PIK3R2: variants seen among roughly 807,000 people sequenced by gnomAD.
PIK3R2 encodes the protein phosphatidylinositol 3-kinase regulatory subunit beta.
PIK3R2 carries 40 observed loss-of-function variants against 78.5 expected under a neutral mutation model. The ratio of observed to expected loss-of-function variants is 0.51; its 90% CI spans 0.40 to 0.66. The LOEUF is 0.66. PIK3R2 is among the 30% of genes least tolerant of loss of function. The pLI is 0.00. For missense variants in PIK3R2, 880 were observed against 1,026.6 expected, an observed-to-expected ratio of 0.86 and a Z score of 1.95; for synonymous variants, 473 against 457.7, an observed-to-expected ratio of 1.03 and a Z score of -0.43.
chr19:18,160,854 A>G lies in PIK3R2; in HGVS notation c.416-65A>G, dbSNP rs1207258675. ...GAGACTGCAGGGGGGTTGAGCGGCC[A>G]GTCCAGGCCTCACGAGGTCGGGGCA... On this transcript the variant is annotated intron_variant, in intron 3 of 15. Coordinates refer to ENST00000222254, the MANE Select transcript of PIK3R2 (RefSeq NM_005027.4). The G allele has an allele frequency of 1.9e-6, 3 of 1,543,824 alleles. No homozygotes were observed. In the African/African-American group the frequency reaches 4.1e-5, roughly 21 times the overall value.
At position 18,156,247 on chromosome 19, in the gene PIK3R2, A is replaced by T. The variant is rs2043679098; in HGVS notation, c.322+46A>T. On this transcript the variant is annotated intron_variant, in intron 2 of 15. Transcript: ENST00000222254. The surrounding 1 kb of genome is among the most constrained non-coding windows in gnomAD (Gnocchi z 4.2). Reference sequence around the variant, plus strand: ...CTGGAAAGGGGGGTGGTCCCCTCAGACCCTTGGTCTCCTCTTCTGTCCAGT... The same window carrying T: ...CTGGAAAGGGGGGTGGTCCCCTCAGTCCCTTGGTCTCCTCTTCTGTCCAGT... 1 of 1,367,886 alleles carries T rather than the reference A, an allele frequency of 7.3e-7. No homozygotes were observed. Among genetic ancestry groups the T allele is most frequent in the African/African-American group, 1.5e-5 (1 of 65,430 alleles). 84.7% of individuals were successfully genotyped at this position (1,367,886 alleles called of 1,614,324 possible).
In PIK3R2 at chr19:18,167,336, C is replaced by G; in HGVS notation, c.1736+30C>G. The G allele has an allele frequency of 6.6e-7, 1 of 1,517,796 alleles. No homozygotes were observed. The highest frequency in any genetic ancestry group is 8.9e-7 in the Non-Finnish European group (1 of 1,127,070). The allele number at this position is 1,517,796 out of a possible 1,614,324, so 94.0% of individuals were successfully genotyped here. On this transcript the variant is annotated intron_variant, in intron 13 of 15. Coordinates refer to ENST00000222254, the MANE Select transcript of PIK3R2 (RefSeq NM_005027.4). This position sits in a 1 kb window ranked among gnomAD's most constrained non-coding sequence, Gnocchi z 4.5. ...GTGGCGGCTCCATACTTCCCTGCGG[C>G]TCCCTGGCGACTGCTGCGGCACATG...
chr19:18,163,447 G>A, intron 11 of PIK3R2, 59 bp downstream of exon 11: 2 of 1,597,618 alleles, frequency 1.3e-6, no homozygotes, highest in East Asian at 2.2e-5. Context: ...GGCAAGGCCG[G>A]GAGCAGGATG....
intron 12 of PIK3R2, 87 bp downstream of exon 12, chr19:18,166,389 C>A (rs534727642): frequency 8.7e-7 from 1 of 1,149,972 alleles, no homozygotes; most frequent in Non-Finnish European, 1.3e-6. Context: ...AGGAGGCCAG[C>A]CACTTGGAGG....
At chr19:18,162,862 C>G in intron 9 of PIK3R2, 105 bp from the exon 10 acceptor site, 1 of 1,077,266 alleles carries the variant, frequency 9.3e-7, no homozygotes, top group South Asian at 1.5e-5. Context: ...TGCACTGCAG[C>G]CTGGACAACA....
rs2043770603 is a variant in PIK3R2, at chr19:18,163,208, C to T, written c.1291-55C>T. ...CTGGCTGGCCCCAGGCCTCAGTTTC[C>T]TAGGTAGACCCGACCAGGCTATGCA... On this transcript the variant is annotated intron_variant, in intron 10 of 15. Coordinates refer to ENST00000222254, the MANE Select transcript of PIK3R2 (RefSeq NM_005027.4). 6.8e-6 allele frequency: 11 copies of T among 1,613,738 alleles called. No homozygotes were observed. In the Admixed American group the frequency reaches 1.2e-4, roughly 17 times the overall value.
chr19:18,160,672 G>A, intron 3 of PIK3R2, 109 bp downstream of exon 3: 1 of 978,202 alleles, frequency 1.0e-6, no homozygotes, highest in Non-Finnish European at 1.6e-6. Flanking sequence ...GAAACAGGCT[G>A]AGCCTGGATG....
Position 18,161,445 on chromosome 19 carries a change from G to A in PIK3R2, c.765G>A (p.Leu255=), listed in dbSNP as rs2043744916. ...ALGATFGPLL[L]RAPPPPSSPP... The stretch of plus-strand genomic sequence containing the variant: ...GCGCCACCTTTGGGCCGCTGCTGCT[G>A]CGCGCGCCGCCGCCGCCGTCCTCGC... Residue 255 remains leucine, a synonymous_variant, in exon 6 of 16, where the codon CTG becomes CTA. Transcript: ENST00000222254. This position sits in a 1 kb window ranked among gnomAD's most constrained non-coding sequence, Gnocchi z 5.3. The A allele has an allele frequency of 8.3e-7, 1 of 1,207,352 alleles. No individual in the cohort carries two copies. Among genetic ancestry groups the A allele is most frequent in the Non-Finnish European group, 1.0e-6 (1 of 974,086 alleles). 74.8% of individuals were successfully genotyped at this position (1,207,352 alleles called of 1,614,324 possible).
Position 18,169,097 on chromosome 19 carries a change from G to T in PIK3R2, c.1990G>T (p.Asp664Tyr). The T allele has an allele frequency of 6.2e-7, 1 of 1,610,488 alleles. No homozygotes were observed. Among genetic ancestry groups the T allele is most frequent in the South Asian group, 1.1e-5 (1 of 91,016 alleles). The part of the protein sequence containing the change: ...CYACSVVVDG[D>Y]TKHCVIYRTA... Reference sequence around the variant, plus strand: ...CGTCTGCCCCCACAGAGTGGACGGCGACACCAAGCACTGCGTCATCTACCG... The same window carrying T: ...CGTCTGCCCCCACAGAGTGGACGGCTACACCAAGCACTGCGTCATCTACCG... The change falls in exon 16 of 16, where the codon GAC becomes TAC. Residue 664 changes from aspartate to tyrosine, a missense_variant. This residue lies in a region of PIK3R2 where 268 missense variants were observed against 299.1 expected (regional missense o/e 0.90). Coordinates refer to ENST00000222254, the MANE Select transcript of PIK3R2 (RefSeq NM_005027.4).
intron 11 of PIK3R2, among the ~76,000 whole-genome samples, chr19:18,163,813 C>T (rs952735097): frequency 1.1e-4 from 4 of 35,218 alleles, no homozygotes; most frequent in Admixed American, 2.7e-4. Flanking sequence ...CAGGGCACGA[C>T]CTTGTCTCTA....
Position 18,156,011 on chromosome 19 carries a change from C to T in PIK3R2, c.132C>T (p.Ala44=), listed in dbSNP as rs2147944929. Residue 44 remains alanine, a synonymous_variant, in exon 2 of 16, where the codon GCC becomes GCT. Coordinates refer to ENST00000222254, the MANE Select transcript of PIK3R2 (RefSeq NM_005027.4). This position sits in a 1 kb window ranked among gnomAD's most constrained non-coding sequence, Gnocchi z 4.2. ...CGGCCTTGCAGGCGCTGGGCGTGGC[C>T]GAGGGTGGCGAGCGCTGCCCACAGA... ...SRAALQALGV[A]EGGERCPQSV... 2.6e-6 allele frequency: 4 copies of T among 1,557,790 alleles called. No individual in the cohort carries two copies. Among genetic ancestry groups the T allele is most frequent in the Non-Finnish European group, 2.6e-6 (3 of 1,151,200 alleles).
chr19:18,160,826 A>G (rs2094859778), intron 3 of PIK3R2, 93 bp from the exon 4 acceptor site: 1 of 1,463,560 alleles, frequency 6.8e-7, no homozygotes, highest in Non-Finnish European at 9.4e-7. Context: ...TGGGCAGCAA[A>G]GGGAGACTGC....
rs1053680936 is a variant in PIK3R2, at chr19:18,157,812, G to A, written c.322+1611G>A. 1.2e-4 allele frequency among the ~76,000 whole-genome samples: 18 copies of A among 148,160 alleles called. No homozygotes were observed. In the Admixed American group the frequency reaches 1.2e-3, roughly 10 times the overall value. ...GAGGCGCCACCTGGCCCATCACTCA[G>A]GGAGGCCCCGCAGGCCCCGGCTTGC... On this transcript the variant is annotated intron_variant, in intron 2 of 15. Transcript: ENST00000222254.
At chr19:18,163,448 G>C in intron 11 of PIK3R2, 60 bp downstream of exon 11, 1 of 1,596,648 alleles carries the variant, frequency 6.3e-7, no homozygotes, top group Admixed American at 1.7e-5. Flanking sequence ...GCAAGGCCGG[G>C]AGCAGGATGA....
In PIK3R2 at chr19:18,163,009, T is replaced by C. The variant is rs2043767534; in HGVS notation, c.1152T>C (p.Asp384=). 6.2e-7 allele frequency: 1 copy of C among 1,612,304 alleles called. No individual in the cohort carries two copies. Among genetic ancestry groups the C allele is most frequent in the Non-Finnish European group, 8.5e-7 (1 of 1,179,592 alleles). Residue 384 remains aspartate (D), a synonymous_variant, in exon 10 of 16, where the codon GAT becomes GAC. Transcript: ENST00000222254. ...NNKLIKVFHR[D]GHYGFSEPLT... is the part of the protein sequence containing the mutation. The stretch of plus-strand genomic sequence containing the variant: ...AGCTGATCAAGGTCTTCCACCGAGA[T>C]GGGCACTATGGCTTCTCAGAGCCAC...
chr19:18,162,722 A>G, intron 9 of PIK3R2: 1 of 601,800 alleles, frequency 1.7e-6, no homozygotes, highest in Non-Finnish European at 2.9e-6. Context: ...CGTCTCTACT[A>G]AAAAATTAAA....
rs201568661 is a variant in PIK3R2 at position 18,168,762 on chromosome 19, G to T, written c.1845G>T (p.Pro615=). The T allele has an allele frequency of 2.3e-5, 35 of 1,548,888 alleles. No homozygotes were observed. Among genetic ancestry groups the T allele is most frequent in the Non-Finnish European group, 2.9e-5 (33 of 1,139,488 alleles). Residue 615 remains proline (P), a synonymous_variant, in exon 15 of 16, where the codon CCG becomes CCT. Coordinates refer to ENST00000222254, the MANE Select transcript of PIK3R2 (RefSeq NM_005027.4). This position sits in a 1 kb window ranked among gnomAD's most constrained non-coding sequence, Gnocchi z 4.1. The stretch of plus-strand genomic sequence containing the variant: ...TCATGGAGGACGAGGACGATCTCCC[G>T]CACCACGAGGAACGCACTTGGTACG... ...YALMEDEDDL[P]HHEERTWYVG... is the part of the protein sequence containing the mutation.
chr19:18,161,631 G>T lies in PIK3R2; in HGVS notation c.815+136G>T, dbSNP rs1305013337. On this transcript the variant is annotated intron_variant, in intron 6 of 15. Coordinates refer to ENST00000222254, the MANE Select transcript of PIK3R2 (RefSeq NM_005027.4). This position sits in a 1 kb window ranked among gnomAD's most constrained non-coding sequence, Gnocchi z 5.3. ...CCAGAGTGAGAAGCTGCGTTCTTGT[G>T]ATGACGGAGCGGAGACCTGGGCTCC... is the stretch of plus-strand genomic sequence containing the variant. The T allele has an allele frequency of 2.0e-6, 1 of 501,722 alleles. No homozygotes were observed. Among genetic ancestry groups the T allele is most frequent in the African/African-American group, 2.0e-5 (1 of 51,048 alleles). 31.1% of individuals were successfully genotyped at this position (501,722 alleles called of 1,614,324 possible).
chr19:18,169,308 GC>G lies in PIK3R2; in HGVS notation c.*18del. 1 of 1,406,736 alleles carries G rather than the reference GC, an allele frequency of 7.1e-7. No homozygotes were observed. Among genetic ancestry groups the G allele is most frequent in the Non-Finnish European group, 9.2e-7 (1 of 1,087,024 alleles). 87.1% of individuals were successfully genotyped at this position (1,406,736 alleles called of 1,614,324 possible). ...GCCGCCCGCTGAGCACCGAGGACCC[GC>G]CCCAAGCAGAGCCGCCCCTGGGCCC... On this transcript the variant is annotated 3_prime_UTR_variant, in exon 16 of 16. Transcript: ENST00000222254.
Sources: gnomAD v4.1 joint callset for allele counts (sites outside exome capture counted in the v4.1 genomes callset) on GRCh38, gnomAD v4.1.1 for gene constraint, gnomAD v4.1.1 regional missense constraint, Gnocchi (gnomAD v3.1) non-coding constraint, MANE v1.5 for transcripts, NCBI Gene and HGNC (gene_info 2026-07-23, HGNC 2026-07-21) for gene names.